The following USP31 variants were observed in gnomAD, a reference collection of about 807,000 sequenced individuals.
The protein encoded by USP31 is ubiquitin carboxyl-terminal hydrolase 31.
A neutral mutation model predicts 119.4 loss-of-function variants in USP31; 44 were observed. The observed-to-expected ratio is 0.37, with a 90% CI of 0.29 to 0.47. USP31 has a LOEUF of 0.47. Ranked by LOEUF, USP31 falls within the 20% of genes least tolerant of loss-of-function variation. The pLI, the probability that USP31 is intolerant of heterozygous loss-of-function variation, is 0.99. For synonymous variants in USP31, 749 were observed against 705.6 expected (o/e 1.06, Z -0.97); for missense variants, 1,643 against 1,730.2 (o/e 0.95, Z 0.89).
At chr16:23,095,392 G>A (rs1165210077) in intron 6 of USP31, among the ~76,000 whole-genome samples, 1 of 152,168 alleles carries the variant, frequency 6.6e-6, no homozygotes, top group African/African-American at 2.4e-5. Context: ...GAAAGTGATG[G>A]GAAGAATGGA....
chr16:23,085,115 A>AAACAAAAGTAGTGACCC (rs1901050962), intron 10 of USP31, 126 bp from the exon 11 acceptor site: 1 of 1,374,138 alleles, frequency 7.3e-7, no homozygotes, highest in Non-Finnish European at 9.8e-7. Context: ...ATGTGTAAGA[A>AAACAAAAGTAGTGACCC]AACAAAAGTA....
intron 1 of USP31, among the ~76,000 whole-genome samples, chr16:23,143,586 G>GC (rs1008249850): frequency 3.5e-5 from 3 of 84,742 alleles, no homozygotes; most frequent in Admixed American, 1.5e-4. Flanking sequence ...GGGAGAGGTT[G>GC]GGGGGGGGGA....
In USP31 at chr16:23,149,095, C is replaced by A; in HGVS notation, c.176G>T (p.Arg59Leu). The A allele has an allele frequency of 1.6e-6, 2 of 1,272,034 alleles. No homozygotes were observed. Among genetic ancestry groups the A allele is most frequent in the South Asian group, 2.0e-5 (1 of 50,946 alleles). 78.8% of individuals were successfully genotyped at this position (1,272,034 alleles called of 1,614,324 possible). ...PSSPSSPSSA[R>L]SVGSFMSRVL... The stretch of plus-strand genomic sequence containing the variant: ...GCGGCTCATGAAGCTGCCCACCGAG[C>A]GTGCAGAGGAGGGCGAGGAGGGCGA... Residue 59 changes from arginine (R) to leucine (L), a missense_variant, in exon 1 of 16, where the codon CGC (arginine) becomes CTC (leucine). Physicochemically the swap from Arg to Leu is moderately radical, Grantham distance 102 (BLOSUM62 -2). Coordinates refer to ENST00000219689, the MANE Select transcript of USP31 (RefSeq NM_020718.4).
rs1265062496 is a variant in USP31 at position 23,061,924 on chromosome 16, A to C, written c.*6122T>G. 1 of 152,700 alleles carries C rather than the reference A, an allele frequency of 6.5e-6. No homozygotes were observed. Among genetic ancestry groups the C allele is most frequent in the African/African-American group, 2.4e-5 (1 of 41,472 alleles). 9.5% of individuals were successfully genotyped at this position (152,700 alleles called of 1,614,324 possible). A position where few individuals can be genotyped will look rare whatever the true frequency, so the allele number is the denominator to read the frequency against. On this transcript the variant is annotated 3_prime_UTR_variant, in exon 16 of 16. Coordinates refer to ENST00000219689, the MANE Select transcript of USP31 (RefSeq NM_020718.4). ...GTGAGCAGACCTCTATGGAATGCAA[A>C]CACGTATTTGAAAGGCCTACAAAGA... is the stretch of plus-strand genomic sequence containing the variant.
rs917226544 is a variant in USP31, at chr16:23,121,811, T to C, written c.634-13628A>G. 2.0e-5 allele frequency among the ~76,000 whole-genome samples: 3 copies of C among 152,224 alleles called. No homozygotes were observed. In the East Asian group the frequency reaches 5.8e-4, roughly 29 times the overall value. ...AATCCTTCTGTAAATAAGGTAATAA[T>C]ATGATTTAAGAGCCTTTGAAATAGG... On this transcript the variant is annotated intron_variant, in intron 1 of 15. Transcript: ENST00000219689.
intron 7 of USP31, among the ~76,000 whole-genome samples, 191 bp from the exon 8 acceptor site, chr16:23,088,026 A>G (rs1036456166): frequency 1.1e-4 from 17 of 152,230 alleles, no homozygotes; most frequent in African/African-American, 4.1e-4. Flanking sequence ...TCTAAATGAA[A>G]TTTAATAGCC....
chr16:23,108,760 TC>T (rs1378896798), intron 1 of USP31, among the ~76,000 whole-genome samples: 1 of 152,248 alleles, frequency 6.6e-6, no homozygotes. Flanking sequence ...GTGCTTTTTT[TC>T]CTTCTCACTT....
rs777900144 is a variant in USP31 at position 23,068,030 on chromosome 16, T to C, written c.*16A>G. The C allele has an allele frequency of 5.0e-6, 8 of 1,597,886 alleles. No homozygotes were observed. Among genetic ancestry groups the C allele is most frequent in the Non-Finnish European group, 6.8e-6 (8 of 1,172,074 alleles). On this transcript the variant is annotated 3_prime_UTR_variant, in exon 16 of 16. Coordinates refer to ENST00000219689, the MANE Select transcript of USP31 (RefSeq NM_020718.4). Reference sequence around the variant, plus strand: ...ATAAACATCTTTACAGATAAAACACTTTGATTGCAGAAATATCACTGAGGT... The same window carrying C: ...ATAAACATCTTTACAGATAAAACACCTTGATTGCAGAAATATCACTGAGGT...
Position 23,149,226 on chromosome 16 carries a change from C to T in USP31, c.45G>A (p.Ala15=), listed in dbSNP as rs1903644186. 2 of 1,130,560 alleles carry T rather than the reference C, an allele frequency of 1.8e-6. No homozygotes were observed. Among genetic ancestry groups the T allele is most frequent in the Non-Finnish European group, 2.2e-6 (2 of 921,224 alleles). 70.0% of individuals were successfully genotyped at this position (1,130,560 alleles called of 1,614,324 possible). ...TGAAGGAGCGCTTCTCCTTCCCGCT[C>T]GCCGCCGCCGGCGGCCCGGACCCAG... ...TAPGSGPPAA[A]SGKEKRSFSK... Residue 15 remains alanine (A), a synonymous_variant, in exon 1 of 16, where the codon GCG becomes GCA. Coordinates refer to ENST00000219689, the MANE Select transcript of USP31 (RefSeq NM_020718.4).
At chr16:23,075,567 A>C (rs34295673) in intron 13 of USP31, among the ~76,000 whole-genome samples, 34,931 of 152,142 alleles carry the variant, frequency 0.23, 4,784 homozygotes, top group Admixed American at 0.31. Flanking sequence ...AAAAGGAGAA[A>C]AGCATTTAAA....
At chr16:23,132,061 G>A (rs188774908) in intron 1 of USP31, among the ~76,000 whole-genome samples, 153 of 152,258 alleles carry the variant, frequency 1.0e-3, no homozygotes, top group Admixed American at 3.8e-3. Context: ...TTCAGTGACT[G>A]GCCAATTGCT....
intron 6 of USP31, among the ~76,000 whole-genome samples, chr16:23,101,577 A>G (rs1413578732): frequency 6.6e-6 from 1 of 152,152 alleles, no homozygotes; most frequent in African/African-American, 2.4e-5. Context: ...CTTGTTTACC[A>G]GAGTTTCTCC....
chr16:23,144,471 CCTTT>C (rs1050689349), intron 1 of USP31, among the ~76,000 whole-genome samples: 7 of 151,976 alleles, frequency 4.6e-5, no homozygotes, highest in South Asian at 2.1e-4. Context: ...CTGGTGTTTA[CCTTT>C]CTTTTTTTTT....
chr16:23,068,737 T>C lies in USP31; in HGVS notation c.3368A>G (p.Tyr1123Cys), dbSNP rs1900203959. 2 of 1,606,400 alleles carry C rather than the reference T, an allele frequency of 1.2e-6. No homozygotes were observed. Among genetic ancestry groups the C allele is most frequent in the African/African-American group, 2.7e-5 (2 of 74,516 alleles). Reference protein sequence around the residue: ...QKQKSASALTYTASSTSAKKA... With the variant: ...QKQKSASALTCTASSTSAKKA... ...TTTGGCAGATGTGGAGGAAGCAGTG[T>C]AGGTGAGGGCCGAGGCTGACTTCTG... The change falls in exon 16 of 16, where the codon TAC (tyrosine) becomes TGC (cysteine). Residue 1123 changes from tyrosine to cysteine, a missense_variant. By Grantham distance (194) the Tyr-to-Cys change is radical (BLOSUM62 -2). Coordinates refer to ENST00000219689, the MANE Select transcript of USP31 (RefSeq NM_020718.4).
intron 6 of USP31, among the ~76,000 whole-genome samples, chr16:23,095,871 G>A (rs1246665510): frequency 1.3e-5 from 2 of 152,080 alleles, no homozygotes; most frequent in Non-Finnish European, 1.5e-5. Flanking sequence ...AGGAACAACC[G>A]GTACCAGCCA....
chr16:23,140,184 A>C (rs141041374), intron 1 of USP31, among the ~76,000 whole-genome samples: 165 of 152,266 alleles, frequency 1.1e-3, no homozygotes, highest in African/African-American at 3.7e-3. Flanking sequence ...TCAAGGCTAA[A>C]CTGTTGTGAC....
chr16:23,129,673 G>A (rs1381420353), intron 1 of USP31, among the ~76,000 whole-genome samples: 1 of 152,078 alleles, frequency 6.6e-6, no homozygotes, highest in Non-Finnish European at 1.5e-5. Context: ...CACAAAGAAA[G>A]GTTTTCTGAA....
chr16:23,099,620 T>G (rs957886627), intron 6 of USP31, among the ~76,000 whole-genome samples: 10 of 152,192 alleles, frequency 6.6e-5, no homozygotes, highest in Non-Finnish European at 1.3e-4. Context: ...TTTATGACTT[T>G]GGATTTGATA....
At position 23,066,496 on chromosome 16, in the gene USP31, G is replaced by C. The variant is rs985254116; in HGVS notation, c.*1550C>G. On this transcript the variant is annotated 3_prime_UTR_variant, in exon 16 of 16. Transcript: ENST00000219689. ...AATTCACACACAGCAATACTGAAAA[G>C]GGAGGTTATATATGGATCTGTGCAC... 2 of 152,250 alleles carry C rather than the reference G, an allele frequency of 1.3e-5. No individual in the cohort carries two copies. Among genetic ancestry groups the C allele is most frequent in the African/African-American group, 2.4e-5 (1 of 41,424 alleles). The allele number at this position is 152,250 out of a possible 1,614,324, so 9.4% of individuals were successfully genotyped here. A position where few individuals can be genotyped will look rare whatever the true frequency, so the allele number is the denominator to read the frequency against.
Sources: gnomAD v4.1 joint callset for allele counts (sites outside exome capture counted in the v4.1 genomes callset) on GRCh38, gnomAD v4.1.1 for gene constraint, MANE v1.5 for transcripts, NCBI Gene and HGNC (gene_info 2026-07-23, HGNC 2026-07-21) for gene names.